The following RBFOX2 variants were observed in gnomAD, a reference collection of about 807,000 sequenced individuals.
RBFOX2 encodes the protein RNA binding protein fox-1 homolog 2.
A neutral mutation model predicts 49.1 loss-of-function variants in RBFOX2; 10 were observed. The observed-to-expected ratio is 0.20, with a 90% CI of 0.13 to 0.35. The LOEUF (loss-of-function observed/expected upper bound fraction) is 0.35, where lower values mean the gene tolerates loss of function less well. RBFOX2 is among the 10% of genes least tolerant of loss of function. The pLI, the probability that RBFOX2 is intolerant of heterozygous loss-of-function variation, is 1.00. For synonymous variants in RBFOX2, 183 were observed against 187.4 expected, an observed-to-expected ratio of 0.98 and a Z score of 0.19; for missense variants, 323 against 486.9, an observed-to-expected ratio of 0.66 and a Z score of 3.17.
chr22:35,999,262 A>C (rs533013607), intron 1 of RBFOX2: 1 of 152,098 alleles, frequency 6.6e-6, no homozygotes, highest in East Asian at 1.9e-4. Flanking sequence ...GTACAAAATG[A>C]ATCTTAAAAA....
intron 4 of RBFOX2, 119 bp downstream of exon 5, chr22:35,777,906 T>C: frequency 9.9e-7 from 1 of 1,014,482 alleles, no homozygotes; most frequent in Non-Finnish European, 1.4e-6. Context: ...CCAAGGTGGA[T>C]AATTAGGATA....
intron 1 of RBFOX2, among the ~76,000 whole-genome samples, chr22:35,875,652 GTGTGTGTGTGTGTGTC>G: frequency 6.9e-6 from 1 of 145,936 alleles, no homozygotes; most frequent in African/African-American, 2.7e-5. Flanking sequence ...GTGTGTGTGT[GTGTGTGTGTGTGTGTC>G]TTGTAGCCCA....
chr22:35,875,051 C>T (rs567055652), intron 1 of RBFOX2, among the ~76,000 whole-genome samples: 1 of 152,128 alleles, frequency 6.6e-6, no homozygotes, highest in Non-Finnish European at 1.5e-5. Context: ...TGTGTGAGCA[C>T]AAGACTAGAT....
intron 1 of RBFOX2, chr22:35,995,973 G>C (rs1464156813): frequency 1.3e-5 from 2 of 152,194 alleles, no homozygotes; most frequent in Non-Finnish European, 2.9e-5. Context: ...GCCATCCCAA[G>C]GGGCCTGGGC....
rs547419218 is a variant in RBFOX2 at position 35,933,901 on chromosome 22, G to A, written c.-34+4946C>T. 2.1e-5 allele frequency among the ~76,000 whole-genome samples: 3 copies of A among 139,890 alleles called. No homozygotes were observed. In the South Asian group the frequency reaches 6.6e-4, roughly 31 times the overall value. The allele number at this position is 139,890 out of a possible 152,430, so 91.8% of individuals were successfully genotyped here. ...ACCTGCCAGTTTATAGAAGTCGTAA[G>A]TTCTTATAATTATATAATTAAATGT... On this transcript the variant is annotated intron_variant, in intron 1 of 13. Transcript: ENST00000359369.
At chr22:35,937,199 G>A (rs2053181608) in intron 1 of RBFOX2, among the ~76,000 whole-genome samples, 3 of 152,086 alleles carry the variant, frequency 2.0e-5, no homozygotes. Flanking sequence ...TGGATCTCCA[G>A]GTATGAGAAT....
upstream of RBFOX2, chr22:35,939,340 T>TA: frequency 2.4e-6 from 1 of 413,788 alleles, no homozygotes; most frequent in Non-Finnish European, 4.8e-6. Flanking sequence ...AGGGGACAAG[T>TA]ACCAACCCTG....
At chr22:35,942,264 C>T (rs1293891802), upstream of RBFOX2, among the ~76,000 whole-genome samples, 2 of 151,866 alleles carry the variant, frequency 1.3e-5, no homozygotes, top group South Asian at 4.2e-4. Context: ...ATGAAAACAC[C>T]ATGAATAGGC....
intron 1 of RBFOX2, among the ~76,000 whole-genome samples, chr22:35,846,734 G>A (rs752374174): frequency 6.6e-6 from 1 of 152,062 alleles, no homozygotes; most frequent in Non-Finnish European, 1.5e-5. Flanking sequence ...CAGCCTGGGT[G>A]ACAAGAAAGA....
intron 1 of RBFOX2, among the ~76,000 whole-genome samples, chr22:36,027,397 G>A (rs1440019832): frequency 6.6e-6 from 1 of 152,102 alleles, no homozygotes; most frequent in Non-Finnish European, 1.5e-5. Context: ...AGGTTTCAAG[G>A]TCTTCTTCAA....
chr22:35,810,143 G>T, intron 1 of RBFOX2, 139 bp from the exon 3 acceptor site: 1 of 763,848 alleles, frequency 1.3e-6, no homozygotes, highest in African/African-American at 1.8e-5. Context: ...CAGGATTGGA[G>T]AAAATATTAT....
intron 1 of RBFOX2, among the ~76,000 whole-genome samples, chr22:35,947,335 A>T (rs1569506612): frequency 1.3e-5 from 2 of 152,314 alleles, no homozygotes; most frequent in African/African-American, 4.8e-5. Context: ...ATAAAAGTCT[A>T]GCGCATACAA....
intron 1 of RBFOX2, among the ~76,000 whole-genome samples, chr22:35,810,800 T>C (rs1951729711): frequency 6.6e-6 from 1 of 152,188 alleles, no homozygotes; most frequent in Non-Finnish European, 1.5e-5. Context: ...CATGAAATCA[T>C]CACCACAATC....
chr22:35,764,805 C>T (rs1940394117), intron 6 of RBFOX2, among the ~76,000 whole-genome samples: 1 of 152,026 alleles, frequency 6.6e-6, no homozygotes, highest in South Asian at 2.1e-4. Context: ...CATTCAGAGA[C>T]CATGAGTCTA....
intron 1 of RBFOX2, among the ~76,000 whole-genome samples, chr22:35,813,590 G>A (rs1431602742): frequency 6.6e-6 from 1 of 152,012 alleles, no homozygotes; most frequent in East Asian, 1.9e-4. Context: ...ATAACATTTA[G>A]CTTGCATCCC....
At chr22:35,949,625 T>C (rs578144888) in intron 1 of RBFOX2, among the ~76,000 whole-genome samples, 24 of 152,242 alleles carry the variant, frequency 1.6e-4, no homozygotes, top group Non-Finnish European at 2.5e-4. Context: ...TGTTTTGATT[T>C]ATATTTCCTT....
intron 3 of RBFOX2, among the ~76,000 whole-genome samples, chr22:35,780,135 A>AT (rs1944812305): frequency 6.6e-6 from 1 of 152,114 alleles, no homozygotes; most frequent in South Asian, 2.1e-4. Context: ...TCTGGTTACC[A>AT]TTTTCTGTGT....
intron 1 of RBFOX2, among the ~76,000 whole-genome samples, chr22:35,948,258 T>C (rs926460940): frequency 2.0e-5 from 3 of 152,224 alleles, no homozygotes; most frequent in East Asian, 3.8e-4. Flanking sequence ...TACAGCCAGA[T>C]AGTCCACTCT....
chr22:35,854,204 C>T (rs2042257304), intron 1 of RBFOX2, among the ~76,000 whole-genome samples: 1 of 151,302 alleles, frequency 6.6e-6, no homozygotes, highest in South Asian at 2.1e-4. Flanking sequence ...GAAAGCAAAA[C>T]TCTGTCTCTA....
Sources: allele counts gnomAD v4.1 joint callset (sites outside exome capture counted in the v4.1 genomes callset), GRCh38; gene constraint gnomAD v4.1.1; transcripts MANE v1.5; gene names NCBI Gene and HGNC (gene_info 2026-07-23, HGNC 2026-07-21).